The following ZNF148 variants were observed in gnomAD, a reference collection of about 807,000 sequenced individuals.
The protein encoded by ZNF148 is Beta-Enolase Repressor Factor-1.
A neutral mutation model predicts 67.7 loss-of-function variants in ZNF148; 7 were observed. That is an observed-to-expected ratio of 0.10 (90% CI 0.06 to 0.19). The LOEUF is 0.19. ZNF148 is among the 10% of genes least tolerant of loss of function. The pLI is 1.00. For synonymous variants in ZNF148, 333 were observed against 330.7 expected, an observed-to-expected ratio of 1.01 and a Z score of -0.08; for missense variants, 583 against 947.1, an observed-to-expected ratio of 0.62 and a Z score of 5.05.
chr3:125,260,806 A>G lies in ZNF148; in HGVS notation c.667+16920T>C, dbSNP rs554024518. 3.9e-4 allele frequency among the ~76,000 whole-genome samples: 59 copies of G among 152,356 alleles called. 1 individual carries two copies. The South Asian group carries it at 0.011, about 28-fold the overall frequency. On this transcript the variant is annotated intron_variant, in intron 7 of 8. Coordinates refer to ENST00000360647, the MANE Select transcript of ZNF148 (RefSeq NM_021964.3). Reference sequence around the variant, plus strand: ...CAACACATATTTCCCTTCATGGAAAACGAAGATTTAAACTACCTATACATA... The same window carrying G: ...CAACACATATTTCCCTTCATGGAAAGCGAAGATTTAAACTACCTATACATA...
intron 1 of ZNF148, chr3:125,344,678 GCTT>G (rs1447418178): frequency 7.7e-6 from 5 of 648,018 alleles, no homozygotes; most frequent in Non-Finnish European, 1.4e-5. Context: ...TTTTCTCTCT[GCTT>G]CTTCTTTATT....
At chr3:125,234,116 C>T (rs1451012620) in intron 8 of ZNF148, 95 bp downstream of exon 8, 4 of 1,198,524 alleles carry the variant, frequency 3.3e-6, no homozygotes, top group African/African-American at 3.1e-5. Context: ...TTAGAAGGCC[C>T]CTTAAATAGC....
chr3:125,345,524 A>G (rs1941908412), intron 1 of ZNF148, among the ~76,000 whole-genome samples: 1 of 151,996 alleles, frequency 6.6e-6, no homozygotes. Flanking sequence ...AGAAGAAATA[A>G]AAGAGGAAAA....
At chr3:125,374,619 C>G (rs1372127422) in intron 1 of ZNF148, among the ~76,000 whole-genome samples, 2 of 152,098 alleles carry the variant, frequency 1.3e-5, no homozygotes, top group African/African-American at 4.8e-5. Flanking sequence ...TTCCTGCAAG[C>G]ATTCCCTTTT....
intron 3 of ZNF148, among the ~76,000 whole-genome samples, chr3:125,314,780 G>C (rs977206063): frequency 2.6e-5 from 4 of 152,192 alleles, no homozygotes; most frequent in African/African-American, 9.6e-5. Context: ...AAAGATTGCT[G>C]GGTATGGTAG....
chr3:125,234,180 C>T, intron 8 of ZNF148, 31 bp downstream of exon 8: 16 of 1,407,312 alleles, frequency 1.1e-5, no homozygotes, highest in Non-Finnish European at 1.6e-5. Context: ...AATTTAATTA[C>T]AGTAGAAGAA....
chr3:125,350,005 T>C (rs9851008), intron 1 of ZNF148, among the ~76,000 whole-genome samples: 45,614 of 152,054 alleles, frequency 0.3, 7,276 homozygotes, highest in Middle Eastern at 0.37. Context: ...GATGGAGAAA[T>C]TGTAAACCCT....
At chr3:125,263,618 A>G (rs1323442842) in intron 7 of ZNF148, among the ~76,000 whole-genome samples, 1 of 151,670 alleles carries the variant, frequency 6.6e-6, no homozygotes, top group African/African-American at 2.4e-5. Flanking sequence ...CTAAAACTCT[A>G]GTAATTTCCT....
intron 7 of ZNF148, among the ~76,000 whole-genome samples, chr3:125,277,512 A>G (rs1191616589): frequency 6.6e-6 from 1 of 152,186 alleles, no homozygotes; most frequent in African/African-American, 2.4e-5. Flanking sequence ...TTAGGTTATT[A>G]TGCAACTCTA....
chr3:125,281,638 G>A (rs564966496), intron 5 of ZNF148, among the ~76,000 whole-genome samples: 22 of 152,252 alleles, frequency 1.4e-4, no homozygotes, highest in African/African-American at 5.1e-4. Context: ...GAAGAGTTAA[G>A]GAGTTCTAGG....
chr3:125,370,760 A>G (rs1002993645), intron 1 of ZNF148, among the ~76,000 whole-genome samples: 1 of 152,198 alleles, frequency 6.6e-6, no homozygotes, highest in Non-Finnish European at 1.5e-5. Context: ...GATTGGGCCC[A>G]GTATAGTTTT....
At chr3:125,253,037 T>C (rs544817895) in intron 7 of ZNF148, among the ~76,000 whole-genome samples, 1 of 152,312 alleles carries the variant, frequency 6.6e-6, no homozygotes, top group South Asian at 2.1e-4. Context: ...CCCCTCTCTC[T>C]CTGACACATA....
At chr3:125,374,963 C>CCCCT (rs951939393) in intron 1 of ZNF148, 139 bp downstream of exon 1, 2 of 151,930 alleles carry the variant, frequency 1.3e-5, no homozygotes, top group Non-Finnish European at 2.9e-5. Flanking sequence ...CTCGGCTGGC[C>CCCCT]CCCTGGCCAC....
At chr3:125,367,697 A>C (rs1251343686) in intron 1 of ZNF148, among the ~76,000 whole-genome samples, 1 of 152,168 alleles carries the variant, frequency 6.6e-6, no homozygotes, top group Non-Finnish European at 1.5e-5. Context: ...AGTTCTGTCT[A>C]TTCTATTCCG....
Position 125,227,067 on chromosome 3 carries a change from A to C in ZNF148, c.*5274T>G, listed in dbSNP as rs1373811205. On this transcript the variant is annotated 3_prime_UTR_variant, in exon 9 of 9. Coordinates refer to ENST00000360647, the MANE Select transcript of ZNF148 (RefSeq NM_021964.3). ...GGGAGTTGAAGAAACAACCTGCTGC[A>C]ACCTTCCCAAGACACACGATGCCCC... 1 of 152,138 alleles carries C rather than the reference A, an allele frequency of 6.6e-6. No individual in the cohort carries two copies. Among genetic ancestry groups the C allele is most frequent in the Admixed American group, 6.6e-5 (1 of 15,250 alleles). 9.4% of individuals were successfully genotyped at this position (152,138 alleles called of 1,614,324 possible).
chr3:125,274,331 C>CA (rs1482827595), intron 7 of ZNF148, among the ~76,000 whole-genome samples: 1 of 151,954 alleles, frequency 6.6e-6, no homozygotes, highest in East Asian at 1.9e-4. Flanking sequence ...GTAATATTCA[C>CA]AAAAAATATA....
At position 125,366,326 on chromosome 3, in the gene ZNF148, C is replaced by A. The variant is rs1942701318; in HGVS notation, c.-234+8776G>T. Among the ~76,000 whole-genome samples, 3 of 152,280 alleles carry A rather than the reference C, an allele frequency of 2.0e-5. No homozygotes were observed. In the South Asian group the frequency reaches 6.2e-4, roughly 32 times the overall value. ...CCAGCTTCTGTTTGCTTACCAAGCA[C>A]AACACTACATCATATCAAATACAAA... is the stretch of plus-strand genomic sequence containing the variant. On this transcript the variant is annotated intron_variant, in intron 1 of 8. Coordinates refer to ENST00000360647, the MANE Select transcript of ZNF148 (RefSeq NM_021964.3).
At chr3:125,318,157 C>G (rs1940607797) in intron 3 of ZNF148, among the ~76,000 whole-genome samples, 1 of 152,174 alleles carries the variant, frequency 6.6e-6, no homozygotes, top group African/African-American at 2.4e-5. Flanking sequence ...CTTAAGTGGT[C>G]TCAGTCAAAG....
In ZNF148 at chr3:125,235,477, T is replaced by C. The variant is rs187036397; in HGVS notation, c.668-1148A>G. On this transcript the variant is annotated intron_variant, in intron 7 of 8. Transcript: ENST00000360647. ...GAATGTCCACCTTTGGGTGTTCAAA[T>C]ACTATATTCCCTTTGAGACCCAACC... Among the ~76,000 whole-genome samples, 12 of 152,340 alleles carry C rather than the reference T, an allele frequency of 7.9e-5. No individual in the cohort carries two copies. The East Asian group carries it at 2.1e-3, about 27-fold the overall frequency.
Sources: allele counts gnomAD v4.1 joint callset (sites outside exome capture counted in the v4.1 genomes callset), GRCh38; gene constraint gnomAD v4.1.1; transcripts MANE v1.5; gene names NCBI Gene and HGNC (gene_info 2026-07-23, HGNC 2026-07-21).